Variants in TECRL observed in about 807,000 individuals in gnomAD.
TECRL encodes the protein trans-2,3-enoyl-CoA reductase-like.
In TECRL, 63 loss-of-function variants were observed where a neutral mutation model predicts 52.8. The ratio of observed to expected loss-of-function variants is 1.19; its 90% CI spans 0.97 to 1.47. The LOEUF is 1.47. Ranked by LOEUF, TECRL falls within the 40% of genes most tolerant of loss-of-function variation. The pLI is 0.00. For synonymous variants in TECRL, 164 were observed against 141.9 expected (o/e 1.16, Z -1.10); for missense variants, 482 against 429.6 (o/e 1.12, Z -1.08).
chr4:64,368,359 G>A (rs1577946763), intron 2 of TECRL, among the ~76,000 whole-genome samples: 1 of 152,062 alleles, frequency 6.6e-6, no homozygotes, highest in Non-Finnish European at 1.5e-5. Flanking sequence ...GCAATGGCAT[G>A]ATCTTGGCTC....
At chr4:64,300,508 A>T (rs909476980) in intron 7 of TECRL, among the ~76,000 whole-genome samples, 22 of 151,006 alleles carry the variant, frequency 1.5e-4, no homozygotes, top group African/African-American at 2.9e-4. Context: ...AATAAAAAAA[A>T]ATATAGGTTA....
Position 64,305,157 on chromosome 4 carries a change from C to A in TECRL, c.730+9G>T, listed in dbSNP as rs961224189. On this transcript the variant is annotated intron_variant, in intron 7 of 11. Transcript: ENST00000381210. Reference sequence around the variant, plus strand: ...AGTATACGGTTAGTTAAGAAGAAACCCTACATACATGGTGGTGTATATAGT... The same window carrying A: ...AGTATACGGTTAGTTAAGAAGAAACACTACATACATGGTGGTGTATATAGT... 3 of 1,595,480 alleles carry A rather than the reference C, an allele frequency of 1.9e-6. No individual in the cohort carries two copies. The highest frequency in any genetic ancestry group is 1.7e-6 in the Non-Finnish European group (2 of 1,168,616).
Position 64,379,595 on chromosome 4 carries a change from C to T in TECRL, c.235-4372G>A, listed in dbSNP as rs1722636221. Among the ~76,000 whole-genome samples the T allele has an allele frequency of 2.6e-5, 4 of 152,104 alleles. No individual in the cohort carries two copies. The South Asian group carries it at 8.3e-4, about 32-fold the overall frequency. The stretch of plus-strand genomic sequence containing the variant: ...TAGAAGCTACTTCTGTTATCTAACT[C>T]TATGTTTCTACCCATTAACTAACCC... On this transcript the variant is annotated intron_variant, in intron 1 of 11. Transcript: ENST00000381210.
intron 2 of TECRL, among the ~76,000 whole-genome samples, chr4:64,348,166 A>C (rs903564033): frequency 6.6e-6 from 1 of 152,168 alleles, no homozygotes; most frequent in Non-Finnish European, 1.5e-5. Context: ...TCATTGAGTC[A>C]TGGTTCCACA....
rs535202607 is a variant in TECRL at position 64,334,479 on chromosome 4, A to T, written c.287-5923T>A. ...TGTATGATAGTGTTTATCTATCTGA[A>T]AAATGAGAAAACTATTTCCGCTCTC... On this transcript the variant is annotated intron_variant, in intron 2 of 11. Coordinates refer to ENST00000381210, the MANE Select transcript of TECRL (RefSeq NM_001010874.5). Among the ~76,000 whole-genome samples, 3 of 152,304 alleles carry T rather than the reference A, an allele frequency of 2.0e-5. No homozygotes were observed. The South Asian group carries it at 6.2e-4, about 32-fold the overall frequency.
intron 2 of TECRL, among the ~76,000 whole-genome samples, chr4:64,339,589 C>A (rs575726671): frequency 1.3e-5 from 2 of 152,106 alleles, no homozygotes; most frequent in South Asian, 4.1e-4. Flanking sequence ...ATTAGCATAG[C>A]ACATCCTCTC....
chr4:64,375,924 T>C (rs1003545411), intron 1 of TECRL, among the ~76,000 whole-genome samples: 9 of 151,884 alleles, frequency 5.9e-5, no homozygotes, highest in South Asian at 2.1e-4. Flanking sequence ...TACTTTTTTT[T>C]CTGAATTTGT....
chr4:64,321,714 T>C (rs1325188556), intron 4 of TECRL, among the ~76,000 whole-genome samples: 1 of 152,210 alleles, frequency 6.6e-6, no homozygotes, highest in Non-Finnish European at 1.5e-5. Context: ...ACCCTCTATG[T>C]CTTTTCAATG....
At chr4:64,398,220 T>C (rs994381775) in intron 1 of TECRL, among the ~76,000 whole-genome samples, 17 of 152,242 alleles carry the variant, frequency 1.1e-4, no homozygotes, top group African/African-American at 3.9e-4. Flanking sequence ...AATTTTCTTA[T>C]GGAAGGTTGT....
chr4:64,292,700 G>A (rs769886288), intron 8 of TECRL, among the ~76,000 whole-genome samples: 19 of 151,796 alleles, frequency 1.3e-4, no homozygotes, highest in Non-Finnish European at 1.5e-4. Context: ...AGCAACCCAG[G>A]GACATTGCCA....
chr4:64,368,543 C>G (rs1721770276), intron 2 of TECRL, among the ~76,000 whole-genome samples: 1 of 152,148 alleles, frequency 6.6e-6, no homozygotes, highest in Non-Finnish European at 1.5e-5. Flanking sequence ...ATCCGCCCGC[C>G]TTGGCCTCCG....
At chr4:64,356,514 G>A (rs1240452061) in intron 2 of TECRL, among the ~76,000 whole-genome samples, 1 of 152,162 alleles carries the variant, frequency 6.6e-6, no homozygotes, top group South Asian at 2.1e-4. Flanking sequence ...ACTCCACTGA[G>A]ATGTTTAGGC....
In TECRL at chr4:64,402,074, AC is replaced by A. The variant is rs371719726; in HGVS notation, c.234+7043del. On this transcript the variant is annotated intron_variant, in intron 1 of 11. Transcript: ENST00000381210. The stretch of plus-strand genomic sequence containing the variant: ...TTTCAGAGTTACTTTTCCCTTGCCT[AC>A]CAAGGGAAATACAAACTTTAGAATC... Among the ~76,000 whole-genome samples the A allele has an allele frequency of 4.3e-4, 66 of 152,242 alleles. No individual in the cohort carries two copies. The South Asian group carries it at 0.012, about 29-fold the overall frequency.
At chr4:64,344,295 C>T (rs1433591150) in intron 2 of TECRL, among the ~76,000 whole-genome samples, 1 of 151,746 alleles carries the variant, frequency 6.6e-6, no homozygotes, top group East Asian at 1.9e-4. Flanking sequence ...GATTCTATAT[C>T]TATACATCTA....
chr4:64,296,784 G>T (rs1470139006), intron 8 of TECRL, among the ~76,000 whole-genome samples: 3 of 151,488 alleles, frequency 2.0e-5, no homozygotes, highest in Admixed American at 6.6e-5. Context: ...GGATGAGGTG[G>T]GGTCATGGAA....
At chr4:64,395,310 TAA>T (rs1723866962) in intron 1 of TECRL, among the ~76,000 whole-genome samples, 1 of 152,180 alleles carries the variant, frequency 6.6e-6, no homozygotes, top group Non-Finnish European at 1.5e-5. Flanking sequence ...ACCATTAACC[TAA>T]GTTATAAAAG....
At chr4:64,334,464 T>G (rs1488577531) in intron 2 of TECRL, among the ~76,000 whole-genome samples, 1 of 152,200 alleles carries the variant, frequency 6.6e-6, no homozygotes, top group Admixed American at 6.5e-5. Flanking sequence ...TGTATGATAG[T>G]GTTTATCTAT....
intron 3 of TECRL, among the ~76,000 whole-genome samples, chr4:64,324,557 T>C (rs1718121826): frequency 6.6e-6 from 1 of 152,040 alleles, no homozygotes; most frequent in Non-Finnish European, 1.5e-5. Context: ...TCTGCTTATA[T>C]TTATAATTAA....
At chr4:64,276,760 C>T (rs1374035758), downstream of TECRL, 2 of 255,870 alleles carry the variant, frequency 7.8e-6, no homozygotes, top group Non-Finnish European at 1.5e-5. Flanking sequence ...AATAAATGCA[C>T]AATATTTTAG....
Sources: allele counts gnomAD v4.1 joint callset (sites outside exome capture counted in the v4.1 genomes callset), GRCh38; gene constraint gnomAD v4.1.1; transcripts MANE v1.5; gene names NCBI Gene and HGNC (gene_info 2026-07-23, HGNC 2026-07-21).